The following NR6A1 variants were observed in gnomAD, a reference collection of about 807,000 sequenced individuals.
NR6A1 encodes the protein retinoic acid receptor-related testis-associated receptor.
Under a neutral mutation model 59.1 loss-of-function variants are expected in NR6A1, and 7 were observed. The ratio of observed to expected loss-of-function variants is 0.12; its 90% confidence interval spans 0.07 to 0.22. The LOEUF is 0.22. Ranked by LOEUF, NR6A1 falls within the 10% of genes least tolerant of loss-of-function variation. The pLI, the probability that NR6A1 is intolerant of heterozygous loss-of-function variation, is 1.00. For missense variants in NR6A1, 468 were observed against 611.6 expected (o/e 0.77, Z 2.48); for synonymous variants, 243 against 236.1 (o/e 1.03, Z -0.27).
At chr9:124,540,734 G>T (rs542471765) in intron 4 of NR6A1, among the ~76,000 whole-genome samples, 1 of 152,190 alleles carries the variant, frequency 6.6e-6, no homozygotes, top group Non-Finnish European at 1.5e-5. Context: ...TCAGAAGATT[G>T]AGGCTGTAGT....
chr9:124,548,923 T>A (rs1833688612), intron 3 of NR6A1, among the ~76,000 whole-genome samples: 1 of 152,018 alleles, frequency 6.6e-6, no homozygotes, highest in South Asian at 2.1e-4. Flanking sequence ...CTTCCTGCCA[T>A]GGCCCTCCAT....
intron 2 of NR6A1, among the ~76,000 whole-genome samples, chr9:124,694,067 A>T (rs2131028755): frequency 6.6e-6 from 1 of 152,364 alleles, no homozygotes; most frequent in South Asian, 2.1e-4. Flanking sequence ...ATTTCTAAAC[A>T]GAATCATATG....
Position 124,653,954 on chromosome 9 carries a change from G to A in NR6A1, c.142+79354C>T, listed in dbSNP as rs559417052. ...CTAAATTATTGACAAAGAAAGATCA[G>A]GTCTAATTAATAACTGAATTTTATC... is the stretch of plus-strand genomic sequence containing the variant. On this transcript the variant is annotated intron_variant, in intron 2 of 9. Transcript: ENST00000487099. Among the ~76,000 whole-genome samples the A allele has an allele frequency of 2.0e-5, 3 of 152,228 alleles. No homozygotes were observed. In the South Asian group the frequency reaches 6.2e-4, roughly 32 times the overall value.
At chr9:124,566,332 CAGT>C in intron 2 of NR6A1, among the ~76,000 whole-genome samples, 1 of 152,268 alleles carries the variant, frequency 6.6e-6, no homozygotes, top group Non-Finnish European at 1.5e-5. Flanking sequence ...GGTTGCTTTA[CAGT>C]AAGTCATTAA....
intron 2 of NR6A1, among the ~76,000 whole-genome samples, chr9:124,659,153 G>C (rs1389460208): frequency 6.6e-6 from 1 of 152,180 alleles, no homozygotes; most frequent in Non-Finnish European, 1.5e-5. Flanking sequence ...TGGGGCGGTG[G>C]GGGTAGAGGC....
At chr9:124,646,258 A>G (rs1433031188) in intron 2 of NR6A1, among the ~76,000 whole-genome samples, 4 of 152,082 alleles carry the variant, frequency 2.6e-5, no homozygotes, top group Admixed American at 2.6e-4. Flanking sequence ...TAGAGCAGAA[A>G]TCGATGAAAT....
At chr9:124,675,298 G>A (rs1261505861) in intron 2 of NR6A1, among the ~76,000 whole-genome samples, 1 of 152,240 alleles carries the variant, frequency 6.6e-6, no homozygotes. Context: ...TCAGTGAATT[G>A]TAATTTATCT....
intron 2 of NR6A1, among the ~76,000 whole-genome samples, chr9:124,597,064 A>G (rs2130812567): frequency 6.6e-6 from 1 of 152,344 alleles, no homozygotes; most frequent in African/African-American, 2.4e-5. Context: ...GTCACTTAGC[A>G]GCCATATAAC....
intron 2 of NR6A1, among the ~76,000 whole-genome samples, chr9:124,678,736 A>C (rs891825997): frequency 1.1e-4 from 16 of 152,188 alleles, no homozygotes; most frequent in Admixed American, 9.2e-4. Context: ...ATATAACTGA[A>C]TATCCCTGGA....
chr9:124,522,853 A>T, intron 9 of NR6A1, 60 bp from the exon 10 acceptor site: 1 of 1,388,938 alleles, frequency 7.2e-7, no homozygotes, highest in Non-Finnish European at 9.9e-7. Context: ...CAGGCAAGTC[A>T]GCCTCCTTGG....
chr9:124,556,567 T>C (rs1042332968), intron 2 of NR6A1, among the ~76,000 whole-genome samples: 5 of 152,010 alleles, frequency 3.3e-5, no homozygotes, highest in Non-Finnish European at 5.9e-5. Flanking sequence ...TTCAAGCAAT[T>C]ATCCTGCCTC....
At chr9:124,532,756 A>C (rs1370674296) in intron 7 of NR6A1, among the ~76,000 whole-genome samples, 1 of 152,226 alleles carries the variant, frequency 6.6e-6, no homozygotes, top group Admixed American at 6.5e-5. Flanking sequence ...GTGATGATAA[A>C]AATGATCTTT....
At chr9:124,597,719 T>C (rs1301118140) in intron 2 of NR6A1, among the ~76,000 whole-genome samples, 5 of 152,232 alleles carry the variant, frequency 3.3e-5, no homozygotes, top group Admixed American at 2.0e-4. Context: ...TAGAGCCACA[T>C]TTCTTCAGCA....
chr9:124,758,488 T>C (rs1311906995), intron 1 of NR6A1, among the ~76,000 whole-genome samples: 1 of 152,132 alleles, frequency 6.6e-6, no homozygotes, highest in Non-Finnish European at 1.5e-5. Context: ...TAAAATTAAC[T>C]ATGAGTTTGA....
intron 2 of NR6A1, among the ~76,000 whole-genome samples, chr9:124,650,115 A>G (rs554078051): frequency 6.6e-6 from 1 of 152,328 alleles, no homozygotes; most frequent in South Asian, 2.1e-4. Context: ...GGAAATCCGT[A>G]TATCAAAGAG....
At chr9:124,755,292 T>C (rs1840603929) in intron 1 of NR6A1, among the ~76,000 whole-genome samples, 1 of 152,200 alleles carries the variant, frequency 6.6e-6, no homozygotes, top group South Asian at 2.1e-4. Flanking sequence ...GAACTTCCAT[T>C]AGAGACTCTC....
chr9:124,694,001 A>C (rs1838658433), intron 2 of NR6A1, among the ~76,000 whole-genome samples: 1 of 152,250 alleles, frequency 6.6e-6, no homozygotes, highest in South Asian at 2.1e-4. Flanking sequence ...TTTTATAGGA[A>C]GAATTAAATA....
chr9:124,705,951 T>A (rs2148786), intron 2 of NR6A1, among the ~76,000 whole-genome samples: 1,944 of 152,316 alleles, frequency 0.013, 35 homozygotes, highest in African/African-American at 0.044. Context: ...AATTTTTGTA[T>A]TTTTAGTAGA....
At chr9:124,627,737 A>G (rs1379577705) in intron 2 of NR6A1, among the ~76,000 whole-genome samples, 1 of 151,874 alleles carries the variant, frequency 6.6e-6, no homozygotes, top group Non-Finnish European at 1.5e-5. Flanking sequence ...ACAACCTGCT[A>G]ATTTTCAAAT....
Sources: allele counts gnomAD v4.1 joint callset (sites outside exome capture counted in the v4.1 genomes callset), GRCh38; gene constraint gnomAD v4.1.1; transcripts MANE v1.5; gene names NCBI Gene and HGNC (gene_info 2026-07-23, HGNC 2026-07-21).